The following TCHP variants were observed in gnomAD, a reference collection of about 807,000 sequenced individuals.
The protein encoded by TCHP is trichoplein keratin filament-binding protein.
In TCHP, 81 loss-of-function variants were observed where a neutral mutation model predicts 88.7. That is an observed-to-expected ratio of 0.91 (90% confidence interval 0.76 to 1.10). The LOEUF is 1.10. Ranked by LOEUF, TCHP falls within the 50% of genes least tolerant of loss-of-function variation. TCHP has a pLI of 0.00. For synonymous variants in TCHP, 232 were observed against 232.5 expected (o/e 1.00, Z 0.02); for missense variants, 641 against 632.1 (o/e 1.01, Z -0.15).
At chr12:109,882,300 G>A in the TCHP span, among the ~76,000 whole-genome samples, 6 of 151,974 alleles carry the variant, frequency 3.9e-5, no homozygotes, top group Non-Finnish European at 5.9e-5. Context: ...GGGTGTGGTG[G>A]CAGGAGCCTG....
At position 109,903,957 on chromosome 12, in the gene TCHP, A is replaced by G. The variant is rs1344068068; in HGVS notation, c.209A>G (p.Glu70Gly). 1 of 1,608,806 alleles carries G rather than the reference A, an allele frequency of 6.2e-7. No individual in the cohort carries two copies. Among genetic ancestry groups the G allele is most frequent in the Non-Finnish European group, 8.5e-7 (1 of 1,178,242 alleles). ...YQRSMHAYQREKMKEEKRRSL... is the reference protein window; with the variant it reads ...YQRSMHAYQRGKMKEEKRRSL... ...CCCAGCATGCATGCCTATCAGCGGG[A>G]GAAGATGAAGGAGGAGAAGAGGAGG... The change falls in exon 3 of 13, where the codon GAG (glutamate) becomes GGG (glycine). Residue 70 changes from glutamate to glycine, a missense_variant. Glu to Gly is a moderately conservative substitution (Grantham distance 98, BLOSUM62 -2). Transcript: ENST00000405876. This position sits in a 1 kb window ranked among gnomAD's most constrained non-coding sequence, Gnocchi z 4.6.
the TCHP span, among the ~76,000 whole-genome samples, chr12:109,893,533 G>C: frequency 6.6e-6 from 1 of 152,140 alleles, no homozygotes; most frequent in Admixed American, 6.6e-5. Context: ...TCTTTATGCT[G>C]GTGGCTTGCC....
At chr12:109,914,280 G>T in intron 10 of TCHP, 162 bp from the exon 11 acceptor site, 2 of 598,958 alleles carry the variant, frequency 3.3e-6, no homozygotes, top group Admixed American at 3.1e-5. Context: ...GGCCGACATC[G>T]TGAGAGCAAA....
Position 109,917,174 on chromosome 12 carries a change from C to G in TCHP, c.*551C>G, listed in dbSNP as rs1450873090. ...GAAAAGAACTGTGAACAAATTAGAA[C>G]CCCGGAACACTCTGACGTCCATGGA... is the stretch of plus-strand genomic sequence containing the variant. On this transcript the variant is annotated 3_prime_UTR_variant, in exon 13 of 13. Coordinates refer to ENST00000405876, the MANE Select transcript of TCHP (RefSeq NM_001143852.2). The G allele has an allele frequency of 1.3e-5, 2 of 152,204 alleles. No homozygotes were observed. The highest frequency in any genetic ancestry group is 2.9e-5 in the Non-Finnish European group (2 of 68,076). 9.4% of individuals were successfully genotyped at this position (152,204 alleles called of 1,614,324 possible).
At chr12:109,890,300 C>CAAAA in the TCHP span, among the ~76,000 whole-genome samples, 1 of 89,322 alleles carries the variant, frequency 1.1e-5, no homozygotes, top group Non-Finnish European at 2.6e-5. Context: ...CTCATCTCTA[C>CAAAA]AAAAAAAAAA....
At chr12:109,889,189 C>G in the TCHP span, among the ~76,000 whole-genome samples, 5 of 152,014 alleles carry the variant, frequency 3.3e-5, no homozygotes, top group Admixed American at 6.6e-5. Flanking sequence ...AAAGACGACT[C>G]TGGGCTGGGT....
chr12:109,908,018 G>A (rs796625315), intron 6 of TCHP, among the ~76,000 whole-genome samples: 13 of 152,266 alleles, frequency 8.5e-5, no homozygotes, highest in African/African-American at 2.6e-4. Context: ...CAATTTAATC[G>A]GGTGGTCTAG....
intron 1 of TCHP, 64 bp from the exon 2 acceptor site, chr12:109,902,963 G>C (rs1188512386): frequency 2.1e-6 from 3 of 1,453,240 alleles, no homozygotes; most frequent in Admixed American, 2.1e-5. Flanking sequence ...AAAGGGATGA[G>C]GCCAAGCTGG....
the TCHP span, chr12:109,888,129 T>G: frequency 2.6e-5 from 4 of 152,304 alleles, no homozygotes; most frequent in Non-Finnish European, 4.4e-5. Flanking sequence ...ATTACTGACA[T>G]TTACCTTGCT....
the TCHP span, among the ~76,000 whole-genome samples, chr12:109,885,357 T>C: frequency 6.6e-6 from 1 of 152,228 alleles, no homozygotes; most frequent in Non-Finnish European, 1.5e-5. Flanking sequence ...ATCTTAATAC[T>C]AGAAGCAGCT....
At chr12:109,882,694 G>A in the TCHP span, among the ~76,000 whole-genome samples, 11 of 128,796 alleles carry the variant, frequency 8.5e-5, no homozygotes, top group Middle Eastern at 5.7e-3. Flanking sequence ...TCACTCTGTC[G>A]CCCAGGCTGG....
At chr12:109,902,885 T>G in intron 1 of TCHP, 142 bp from the exon 2 acceptor site, 1 of 576,524 alleles carries the variant, frequency 1.7e-6, no homozygotes, top group Non-Finnish European at 2.9e-6. Flanking sequence ...ACGGTTTTGT[T>G]TGTTTGTTTG....
the TCHP span, among the ~76,000 whole-genome samples, chr12:109,883,030 CT>C: frequency 2.7e-4 from 39 of 143,472 alleles, no homozygotes; most frequent in East Asian, 4.7e-3. Context: ...AGAATGTTTT[CT>C]TTTTTTTTTC....
chr12:109,907,905 C>G (rs1360701503), intron 6 of TCHP, among the ~76,000 whole-genome samples: 7 of 152,224 alleles, frequency 4.6e-5, no homozygotes, highest in Admixed American at 4.6e-4. Flanking sequence ...AATTCCAGAA[C>G]ATTAACGACA....
chr12:109,899,650 A>C (rs1028101978), upstream of TCHP, among the ~76,000 whole-genome samples: 1 of 152,188 alleles, frequency 6.6e-6, no homozygotes, highest in Non-Finnish European at 1.5e-5. Flanking sequence ...AAAATAAAAA[A>C]GTTACCAATA....
intron 3 of TCHP, among the ~76,000 whole-genome samples, chr12:109,904,378 A>T (rs1288615876): frequency 6.6e-6 from 1 of 152,142 alleles, no homozygotes; most frequent in Non-Finnish European, 1.5e-5. Context: ...CCTTTCTTCC[A>T]GTTCTGTGGG....
At chr12:109,883,423 G>T in the TCHP span, among the ~76,000 whole-genome samples, 14 of 151,990 alleles carry the variant, frequency 9.2e-5, no homozygotes, top group African/African-American at 3.4e-4. Flanking sequence ...AGAGGGGCTG[G>T]GGAAGATAAA....
intron 8 of TCHP, among the ~76,000 whole-genome samples, chr12:109,909,942 G>C (rs1870391668): frequency 6.6e-6 from 1 of 152,120 alleles, no homozygotes. Context: ...TCAAGCCTGG[G>C]GGACAAGAGC....
chr12:109,888,188 C>G, the TCHP span: 1 of 151,670 alleles, frequency 6.6e-6, no homozygotes, highest in African/African-American at 2.4e-5. Context: ...AATAGAAGGG[C>G]GAGGAAGAGA....
Sources: gnomAD v4.1 joint callset for allele counts (sites outside exome capture counted in the v4.1 genomes callset) on GRCh38, gnomAD v4.1.1 for gene constraint, Gnocchi (gnomAD v3.1) non-coding constraint, MANE v1.5 for transcripts, NCBI Gene and HGNC (gene_info 2026-07-23, HGNC 2026-07-21) for gene names.